ST7: variants seen among roughly 807,000 people sequenced by gnomAD.
ST7 encodes suppression of tumorigenicity 7, also known as suppressor of tumorigenicity 7 protein.
ST7 carries 28 observed loss-of-function variants against 78.7 expected under a neutral mutation model. The ratio of observed to expected loss-of-function variants is 0.36; its 90% CI spans 0.26 to 0.49. The LOEUF is 0.49. ST7 is among the 20% of genes least tolerant of loss of function. The pLI is 0.99. For missense variants in ST7, 418 were observed against 696.0 expected (o/e 0.60, Z 4.49); for synonymous variants, 247 against 249.6 (o/e 0.99, Z 0.10).
chr7:116,953,761 G>C (rs1219009644), intron 1 of ST7, 70 bp downstream of exon 1: 8 of 1,166,260 alleles, frequency 6.9e-6, no homozygotes, highest in Admixed American at 3.5e-5. Flanking sequence ...CAACTCGCGC[G>C]GGGCCGCGGC....
chr7:117,168,788 C>T (rs1276216103), intron 9 of ST7, among the ~76,000 whole-genome samples: 1 of 152,134 alleles, frequency 6.6e-6, no homozygotes, highest in Non-Finnish European at 1.5e-5. Flanking sequence ...CTTTAAAAAA[C>T]AAAACAATAT....
At position 117,170,920 on chromosome 7, in the gene ST7, C is replaced by T; in HGVS notation, c.1022C>T (p.Ala341Val). ...MFNIHENLLE[A>V]LLELQAYADV... ...AATATCCATGAAAACCTTTTAGAAG[C>T]CCTTCTGGAACTACAAGCATATGCT... Residue 341 changes from alanine (A) to valine (V), a missense_variant, in exon 10 of 16, where the codon GCC becomes GTC. Transcript: ENST00000323984. The T allele has an allele frequency of 6.2e-7, 1 of 1,612,364 alleles. No homozygotes were observed. The highest frequency in any genetic ancestry group is 8.5e-7 in the Non-Finnish European group (1 of 1,179,022).
intron 1 of ST7, among the ~76,000 whole-genome samples, chr7:116,961,555 C>CGTGT (rs35640208): frequency 0.093 from 12,893 of 138,382 alleles, 592 homozygotes; most frequent in Admixed American, 0.14. Context: ...TGTATTCCTA[C>CGTGT]GTGTGTGTGT....
chr7:117,177,051 T>A (rs1808392635), intron 10 of ST7, among the ~76,000 whole-genome samples: 1 of 152,162 alleles, frequency 6.6e-6, no homozygotes, highest in Non-Finnish European at 1.5e-5. Context: ...AGAAAATAAT[T>A]ATCAGCACTG....
intron 1 of ST7, among the ~76,000 whole-genome samples, chr7:116,970,844 ATTC>A (rs1055413093): frequency 6.6e-5 from 10 of 152,128 alleles, no homozygotes; most frequent in Non-Finnish European, 1.5e-4. Context: ...ATTATTTTGA[ATTC>A]TTCTGCATGG....
chr7:117,160,829 G>A (rs1807085647), intron 9 of ST7, among the ~76,000 whole-genome samples: 2 of 152,034 alleles, frequency 1.3e-5, no homozygotes, highest in African/African-American at 4.8e-5. Context: ...GTTAGACAGG[G>A]AAGGGACTTA....
At chr7:117,110,404 C>T (rs746109199) in intron 2 of ST7, among the ~76,000 whole-genome samples, 4 of 152,182 alleles carry the variant, frequency 2.6e-5, no homozygotes, top group Non-Finnish European at 5.9e-5. Flanking sequence ...AAGCACTTTG[C>T]ATGCTAACTC....
At chr7:117,129,764 T>C in intron 3 of ST7, 29 bp from the exon 4 acceptor site, 1 of 1,592,716 alleles carries the variant, frequency 6.3e-7, no homozygotes, top group Non-Finnish European at 8.6e-7. Flanking sequence ...AACTTACGCG[T>C]AACATTTTCA....
chr7:117,158,045 T>C (rs1345997339), intron 9 of ST7, among the ~76,000 whole-genome samples: 1 of 152,182 alleles, frequency 6.6e-6, no homozygotes, highest in Admixed American at 6.5e-5. Flanking sequence ...TTTGTGAAAC[T>C]GCAGTTTGCC....
rs1806659800 is a variant in ST7, at chr7:117,155,997, GTCAC to G, written c.964-14864_964-14861del. On this transcript the variant is annotated intron_variant, in intron 9 of 15. Transcript: ENST00000323984. Reference sequence around the variant, plus strand: ...CTCTGTTACCAGTTTCTGTTTATGTGTCACCTTGCAATCCTACCTTCCCTGATTG... The same window carrying G: ...CTCTGTTACCAGTTTCTGTTTATGTGCTTGCAATCCTACCTTCCCTGATTG... Among the ~76,000 whole-genome samples the G allele has an allele frequency of 2.0e-5, 3 of 152,244 alleles. 1 individual carries two copies. The South Asian group carries it at 6.2e-4, about 32-fold the overall frequency.
intron 1 of ST7, chr7:116,972,968 C>A: frequency 1.1e-6 from 1 of 890,660 alleles, no homozygotes; most frequent in Non-Finnish European, 1.8e-6. Context: ...CTTGGTGTTG[C>A]AGCCTCCTCT....
At chr7:117,120,867 A>G (rs541885462) in intron 3 of ST7, among the ~76,000 whole-genome samples, 141 of 152,312 alleles carry the variant, frequency 9.3e-4, no homozygotes, top group African/African-American at 3.3e-3. Context: ...TATAAAGAAT[A>G]AGGCTTAATC....
intron 6 of ST7, 141 bp downstream of exon 6, chr7:117,132,101 G>GTTT: frequency 1.4e-6 from 1 of 726,186 alleles, no homozygotes; most frequent in Non-Finnish European, 2.1e-6. Context: ...ATTTAAAAAA[G>GTTT]TTTTTTTTTT....
chr7:116,965,359 A>G (rs1175534250), intron 1 of ST7, among the ~76,000 whole-genome samples: 1 of 151,640 alleles, frequency 6.6e-6, no homozygotes, highest in Non-Finnish European at 1.5e-5. Flanking sequence ...AAAAAAAAAA[A>G]ATTCTATGGA....
chr7:117,043,315 G>T (rs1334938870), intron 1 of ST7, among the ~76,000 whole-genome samples: 1 of 152,158 alleles, frequency 6.6e-6, no homozygotes, highest in South Asian at 2.1e-4. Flanking sequence ...TAGAGTTGTT[G>T]TTAGAAATTG....
chr7:117,017,496 C>T lies in ST7; in HGVS notation c.151+63805C>T, dbSNP rs182541726. Reference sequence around the variant, plus strand: ...CTACTTTGAATGTTTTCCTTCCTTTCGTTGCTAACTTTATCTAGAAATTAA... The same window carrying T: ...CTACTTTGAATGTTTTCCTTCCTTTTGTTGCTAACTTTATCTAGAAATTAA... On this transcript the variant is annotated intron_variant, in intron 1 of 15. Transcript: ENST00000323984. 6.6e-4 allele frequency among the ~76,000 whole-genome samples: 100 copies of T among 152,162 alleles called. No homozygotes were observed. In the South Asian group the frequency reaches 8.1e-3, roughly 12 times the overall value.
chr7:117,152,207 ATATATATATATATAT>A (rs1563124768), intron 9 of ST7, among the ~76,000 whole-genome samples: 4 of 108,046 alleles, frequency 3.7e-5, no homozygotes, highest in Non-Finnish European at 7.9e-5. Context: ...ATATATATAT[ATATATATATATATAT>A]ACCATGAACA....
chr7:117,143,250 T>A (rs1247953260), intron 9 of ST7, among the ~76,000 whole-genome samples: 1 of 152,190 alleles, frequency 6.6e-6, no homozygotes. Context: ...TTTTGCAGTT[T>A]CCTGTTGACC....
intron 1 of ST7, among the ~76,000 whole-genome samples, chr7:117,073,588 T>C (rs1192393928): frequency 6.6e-6 from 1 of 152,192 alleles, no homozygotes; most frequent in Non-Finnish European, 1.5e-5. Flanking sequence ...AAACTTTGGA[T>C]CCCAACTACC....
Sources: allele counts gnomAD v4.1 joint callset (sites outside exome capture counted in the v4.1 genomes callset), GRCh38; gene constraint gnomAD v4.1.1; transcripts MANE v1.5; gene names NCBI Gene and HGNC (gene_info 2026-07-23, HGNC 2026-07-21).